The following ARHGEF10 variants were observed in gnomAD, a reference collection of about 807,000 sequenced individuals.
ARHGEF10 encodes the protein Rho guanine nucleotide exchange factor 10.
ARHGEF10 carries 140 observed loss-of-function variants against 147.4 expected under a neutral mutation model. The observed-to-expected ratio is 0.95, with a 90% CI of 0.83 to 1.09. ARHGEF10 has a LOEUF of 1.09. Among genes scored for constraint, ARHGEF10 ranks in the 50% least tolerant of loss-of-function variants. The pLI, the probability that ARHGEF10 is intolerant of heterozygous loss-of-function variation, is 0.00. For synonymous variants in ARHGEF10, 902 were observed against 695.8 expected (o/e 1.30, Z -4.67); for missense variants, 2,222 against 1,752.7 (o/e 1.27, Z -4.78).
rs576039682 is a variant in ARHGEF10, at chr8:1,834,464, G to A, written c.-47-8889G>A. On this transcript the variant is annotated intron_variant, in intron 1 of 28. Transcript: ENST00000349830. ...AGAGAGGGGCTGCTGGGTGCCATGC[G>A]CCCTGAGACTCAGTCACAGCTGCGC... is the stretch of plus-strand genomic sequence containing the variant. Among the ~76,000 whole-genome samples, 9 of 152,242 alleles carry A rather than the reference G, an allele frequency of 5.9e-5. 1 individual carries two copies. In the South Asian group the frequency reaches 8.3e-4, roughly 14 times the overall value.
intron 1 of ARHGEF10, among the ~76,000 whole-genome samples, chr8:1,843,032 T>C (rs1397094738): frequency 1.3e-5 from 2 of 152,164 alleles, no homozygotes; most frequent in Middle Eastern, 3.2e-3. Flanking sequence ...TAGAATACAG[T>C]GGGAAATTCA....
intron 18 of ARHGEF10, among the ~76,000 whole-genome samples, chr8:1,917,875 G>C (rs1181953761): frequency 6.6e-6 from 1 of 151,878 alleles, no homozygotes; most frequent in Non-Finnish European, 1.5e-5. Context: ...CCTGGGTTCA[G>C]GTGATTCTCC....
intron 11 of ARHGEF10, 57 bp from the exon 12 acceptor site, chr8:1,893,512 G>A (rs1486537952): frequency 3.5e-6 from 4 of 1,140,900 alleles, no homozygotes; most frequent in East Asian, 2.3e-5. Context: ...GAAGTAAAAT[G>A]TATCTGTGTG....
At chr8:1,832,818 AGAGAGAGAGG>A (rs1803265221) in intron 1 of ARHGEF10, among the ~76,000 whole-genome samples, 1 of 95,914 alleles carries the variant, frequency 1.0e-5, no homozygotes, top group Admixed American at 1.2e-4. Context: ...AGACAGAGGC[AGAGAGAGAGG>A]CAGAGGCAGA....
intron 25 of ARHGEF10, among the ~76,000 whole-genome samples, chr8:1,930,496 G>GC (rs879261307): frequency 7.6e-5 from 8 of 105,046 alleles, no homozygotes; most frequent in East Asian, 2.7e-4. Context: ...TACCCTCCCC[G>GC]CCCCCCCGCT....
intron 26 of ARHGEF10, among the ~76,000 whole-genome samples, chr8:1,942,147 G>A (rs983088593): frequency 2.0e-5 from 3 of 151,154 alleles, no homozygotes; most frequent in Non-Finnish European, 4.4e-5. Flanking sequence ...AAACCTTTTT[G>A]CTTCAAAGGA....
chr8:1,855,057 G>A (rs542095058), intron 2 of ARHGEF10, among the ~76,000 whole-genome samples: 2 of 152,190 alleles, frequency 1.3e-5, no homozygotes, highest in African/African-American at 2.4e-5. Context: ...TCCTGTTCAC[G>A]GCCTTCCTTC....
At chr8:1,939,810 G>A (rs10099606) in intron 26 of ARHGEF10, among the ~76,000 whole-genome samples, 36,626 of 152,148 alleles carry the variant, frequency 0.24, 4,760 homozygotes, top group South Asian at 0.31. Flanking sequence ...CTCAGCTCCC[G>A]GGGACTGGGG....
chr8:1,899,996 C>T (rs935367022), intron 15 of ARHGEF10, among the ~76,000 whole-genome samples: 9 of 152,210 alleles, frequency 5.9e-5, no homozygotes, highest in East Asian at 5.8e-4. Flanking sequence ...GTCCCTGGGT[C>T]GTTCTTGGTC....
Position 1,905,633 on chromosome 8 carries a change from C to T in ARHGEF10, c.1884C>T (p.Asn628=), listed in dbSNP as rs766706725. The T allele has an allele frequency of 6.3e-5, 101 of 1,614,030 alleles. No individual in the cohort carries two copies. Among genetic ancestry groups the T allele is most frequent in the Middle Eastern group, 3.3e-4 (2 of 6,084 alleles). Residue 628 remains asparagine, a synonymous_variant, in exon 17 of 29, where the codon AAC becomes AAT. Transcript: ENST00000349830. ...ATGATATGATAGAAACAGTTTACAA[C>T]GACAGAGGAGAGATTGTTAAAACCA... ...RSDDMIETVY[N]DRGEIVKTKE...
intron 11 of ARHGEF10, among the ~76,000 whole-genome samples, chr8:1,893,244 T>C (rs906443814): frequency 6.6e-6 from 1 of 152,222 alleles, no homozygotes; most frequent in Non-Finnish European, 1.5e-5. Flanking sequence ...AAGTATCATC[T>C]ACCTGAATGT....
intron 6 of ARHGEF10, among the ~76,000 whole-genome samples, chr8:1,866,958 A>C (rs1250765177): frequency 1.3e-5 from 2 of 150,468 alleles, no homozygotes; most frequent in African/African-American, 2.4e-5. Flanking sequence ...CTTGCCTGTG[A>C]TTCCCAGGGA....
intron 28 of ARHGEF10, among the ~76,000 whole-genome samples, chr8:1,953,743 G>T (rs1482836715): frequency 6.6e-6 from 1 of 152,232 alleles, no homozygotes; most frequent in African/African-American, 2.4e-5. Flanking sequence ...CAGAAGTGGT[G>T]TGTGCAGAGC....
intron 25 of ARHGEF10, among the ~76,000 whole-genome samples, chr8:1,931,452 C>G (rs1324483366): frequency 6.6e-6 from 1 of 152,238 alleles, no homozygotes; most frequent in Non-Finnish European, 1.5e-5. Context: ...CCGTGCAGGG[C>G]TGTGTTTTCG....
At position 1,948,403 on chromosome 8, in the gene ARHGEF10, C is replaced by T. The variant is rs749746651; in HGVS notation, c.3397+2748C>T. 4.6e-5 allele frequency among the ~76,000 whole-genome samples: 7 copies of T among 152,182 alleles called. No individual in the cohort carries two copies. Among genetic ancestry groups the T allele is most frequent in the African/African-American group, 9.6e-5 (4 of 41,460 alleles). On this transcript the variant is annotated intron_variant, in intron 27 of 28. Transcript: ENST00000349830. The surrounding 1 kb of genome is among the most constrained non-coding windows in gnomAD (Gnocchi z 4.9). ...CGTGCTTCTCGTTGGCAGGTTTCTC[C>T]GGCATTTCGGTACTAAGTTGGAAAT...
intron 23 of ARHGEF10, among the ~76,000 whole-genome samples, chr8:1,928,132 G>A (rs2129223299): frequency 6.6e-6 from 1 of 152,188 alleles, no homozygotes; most frequent in East Asian, 1.9e-4. Context: ...GAGGATAGAT[G>A]GGCCCTTACC....
intron 18 of ARHGEF10, among the ~76,000 whole-genome samples, chr8:1,913,285 A>G (rs1410295590): frequency 1.4e-5 from 2 of 145,192 alleles, no homozygotes; most frequent in African/African-American, 5.3e-5. Context: ...CATCCTTCCC[A>G]GGGAGAAGTT....
rs376252332 is a variant in ARHGEF10 at position 1,876,918 on chromosome 8, C to T, written c.843+184C>T. Among the ~76,000 whole-genome samples the T allele has an allele frequency of 1.4e-4, 21 of 152,298 alleles. 1 individual carries two copies. In the South Asian group the frequency reaches 1.4e-3, roughly 11 times the overall value. On this transcript the variant is annotated intron_variant, in intron 8 of 28. Transcript: ENST00000349830. ...TGTCTTGTTTCATATAGTTAAGTAT[C>T]GTCATGGAAAGATGGAGAAATTAAG...
chr8:1,828,264 C>A (rs1166104083), intron 1 of ARHGEF10, among the ~76,000 whole-genome samples: 3 of 152,242 alleles, frequency 2.0e-5, no homozygotes, highest in Non-Finnish European at 4.4e-5. Flanking sequence ...GGGAACAGAC[C>A]CTTACACTTG....
Sources: gnomAD v4.1 joint callset for allele counts (sites outside exome capture counted in the v4.1 genomes callset) on GRCh38, gnomAD v4.1.1 for gene constraint, Gnocchi (gnomAD v3.1) non-coding constraint, MANE v1.5 for transcripts, NCBI Gene and HGNC (gene_info 2026-07-23, HGNC 2026-07-21) for gene names.